Variants in RPS20 observed in about 807,000 individuals in gnomAD.
RPS20 encodes ribosomal protein S20, also known as small ribosomal subunit protein uS10.
RPS20 carries 3 observed loss-of-function variants against 15.3 expected under a neutral mutation model. That is an observed-to-expected ratio of 0.20 (90% CI 0.09 to 0.51). The LOEUF (loss-of-function observed/expected upper bound fraction) is 0.51, where lower values mean the gene tolerates loss of function less well. RPS20 is among the 20% of genes least tolerant of loss of function. The pLI is 0.96. For missense variants in RPS20, 67 were observed against 145.9 expected (o/e 0.46, Z 2.79); for synonymous variants, 62 against 47.8 (o/e 1.30, Z -1.23).
In RPS20 at chr8:56,073,273, CTG is replaced by C. The variant is rs1809818064; in HGVS notation, c.178-3_178-2del. 1 of 1,594,216 alleles carries C rather than the reference CTG, an allele frequency of 6.3e-7. No homozygotes were observed. The highest frequency in any genetic ancestry group is 8.6e-7 in the Non-Finnish European group (1 of 1,165,406). On this transcript the variant is annotated splice_acceptor_variant and splice_polypyrimidine_tract_variant and intron_variant, in intron 3 of 3. Transcript: ENST00000009589. LOFTEE classifies it high-confidence loss of function. ...TTTTTCTTGTAGTGATTCTCAAAGT[CTG>C]TAACAAAAGACAAAGGAAACCAAGT...
At position 56,074,494 on chromosome 8, in the gene RPS20, C is replaced by T. The variant is rs770121234; in HGVS notation, c.-111G>A. On this transcript the variant is annotated 5_prime_UTR_variant, in exon 1 of 4. Coordinates refer to ENST00000009589, the MANE Select transcript of RPS20 (RefSeq NM_001023.4). ...AAATCCTCAGCCCTTACGACCGCGT[C>T]TTCCTCAAAAAGAAAGGGGTGGGAC... The T allele has an allele frequency of 2.1e-5, 26 of 1,238,972 alleles. No homozygotes were observed. Among genetic ancestry groups the T allele is most frequent in the African/African-American group, 1.5e-5 (1 of 66,064 alleles). The allele number at this position is 1,238,972 out of a possible 1,614,324, so 76.7% of individuals were successfully genotyped here. A position where few individuals can be genotyped will look rare whatever the true frequency, so the allele number is the denominator to read the frequency against.
downstream of RPS20, chr8:56,072,852 A>C (rs1585722171): frequency 2.5e-6 from 3 of 1,218,682 alleles, no homozygotes; most frequent in Non-Finnish European, 1.0e-6. Context: ...CAAAGTTATA[A>C]ACTGCCAGTG....
downstream of RPS20, among the ~76,000 whole-genome samples, chr8:56,071,330 C>G (rs1809749331): frequency 6.6e-6 from 1 of 152,154 alleles, no homozygotes; most frequent in Non-Finnish European, 1.5e-5. Flanking sequence ...ACTAAAAGTT[C>G]ATAGGTATTT....
At chr8:56,073,038 TA>T (rs1809809897), downstream of RPS20, 1 of 1,574,842 alleles carries the variant, frequency 6.3e-7, no homozygotes, top group African/African-American at 1.4e-5. Context: ...GTATTCTGAA[TA>T]AAAACCAACA....
At chr8:56,069,723 C>T (rs761085047), downstream of RPS20, 16 of 1,550,792 alleles carry the variant, frequency 1.0e-5, no homozygotes, top group South Asian at 1.1e-4. Context: ...ACTTTTTTGG[C>T]GGAGGAGAAT....
chr8:56,067,752 T>G (rs1038156409), exon 6 of RPS20: 1 of 151,258 alleles, frequency 6.6e-6, no homozygotes, highest in Non-Finnish European at 1.5e-5. Flanking sequence ...GACATTAAGC[T>G]AAATAAAATG....
Position 56,074,047 on chromosome 8 carries a change from C to G in RPS20, c.103+13G>C, listed in dbSNP as rs371370170. 14 of 1,602,456 alleles carry G rather than the reference C, an allele frequency of 8.7e-6. No homozygotes were observed. Among genetic ancestry groups the G allele is most frequent in the Middle Eastern group, 1.7e-4 (1 of 5,862 alleles). On this transcript the variant is annotated intron_variant, in intron 2 of 3. Transcript: ENST00000009589. ...CCAATTCCCCCTCCCCCCCGCATAA[C>G]GAATGCACTGACCCTTTTCCAAGGA...
At chr8:56,071,936 G>C (rs1273592958), downstream of RPS20, among the ~76,000 whole-genome samples, 1 of 152,152 alleles carries the variant, frequency 6.6e-6, no homozygotes, top group Admixed American at 6.5e-5. Context: ...ACCTGTAAGG[G>C]TATCTATCTG....
At position 56,074,455 on chromosome 8, in the gene RPS20, A is replaced by G. The variant is rs777444985; in HGVS notation, c.-72T>C. 5 of 1,519,366 alleles carry G rather than the reference A, an allele frequency of 3.3e-6. No individual in the cohort carries two copies. Among genetic ancestry groups the G allele is most frequent in the Middle Eastern group, 2.2e-4 (1 of 4,618 alleles). The allele number at this position is 1,519,366 out of a possible 1,614,324, so 94.1% of individuals were successfully genotyped here. A position where few individuals can be genotyped will look rare whatever the true frequency, so the allele number is the denominator to read the frequency against. ...CGAACAGCGGTGAGTCAGGAGCAGG[A>G]GCGTGCGGACCAAAAATCCTCAGCC... On this transcript the variant is annotated 5_prime_UTR_variant, in exon 1 of 4. Coordinates refer to ENST00000009589, the MANE Select transcript of RPS20 (RefSeq NM_001023.4).
chr8:56,068,154 TTC>T (rs1197281492), downstream of RPS20: 1 of 152,224 alleles, frequency 6.6e-6, no homozygotes, highest in Non-Finnish European at 1.5e-5. Flanking sequence ...TATTATACCA[TTC>T]TCTCTCTACT....
downstream of RPS20, among the ~76,000 whole-genome samples, chr8:56,070,821 T>C (rs1185586579): frequency 6.6e-6 from 1 of 152,120 alleles, no homozygotes; most frequent in Non-Finnish European, 1.5e-5. Flanking sequence ...CTTACATTTC[T>C]ACACCAGAAG....
downstream of RPS20, among the ~76,000 whole-genome samples, chr8:56,070,736 T>G (rs921749858): frequency 8.1e-6 from 1 of 123,476 alleles, no homozygotes; most frequent in African/African-American, 2.8e-5. Flanking sequence ...CCATTTAAAT[T>G]CAAAAAAAAA....
At position 56,074,481 on chromosome 8, in the gene RPS20, C is replaced by T. The variant is rs569842562; in HGVS notation, c.-98G>A. Reference sequence around the variant, plus strand: ...GCGTGCGGACCAAAAATCCTCAGCCCTTACGACCGCGTCTTCCTCAAAAAG... The same window carrying T: ...GCGTGCGGACCAAAAATCCTCAGCCTTTACGACCGCGTCTTCCTCAAAAAG... On this transcript the variant is annotated 5_prime_UTR_variant, in exon 1 of 4. Coordinates refer to ENST00000009589, the MANE Select transcript of RPS20 (RefSeq NM_001023.4). 159 of 1,334,996 alleles carry T rather than the reference C, an allele frequency of 1.2e-4. No homozygotes were observed. The highest frequency in any genetic ancestry group is 7.5e-4 in the South Asian group (58 of 77,606). 82.7% of individuals were successfully genotyped at this position (1,334,996 alleles called of 1,614,324 possible).
At chr8:56,072,057 A>G (rs1037987551), downstream of RPS20, among the ~76,000 whole-genome samples, 20 of 152,176 alleles carry the variant, frequency 1.3e-4, no homozygotes, top group African/African-American at 3.6e-4. Flanking sequence ...AGCCTGGGCA[A>G]CATGGCAAAA....
intron 3 of RPS20, 44 bp from the exon 4 acceptor site, chr8:56,073,316 C>T: frequency 2.4e-6 from 3 of 1,240,270 alleles, no homozygotes; most frequent in Non-Finnish European, 3.5e-6. Flanking sequence ...TCGTTTTATA[C>T]TTATCCCTAG....
rs534093742 is a variant in RPS20 at position 56,073,882 on chromosome 8, T to G, written c.104-114A>C. ...AAATTATCACCGTTACTCAACACAA[T>G]AGGTACCTCCTCATCGCCAGCTGTA... On this transcript the variant is annotated intron_variant, in intron 2 of 3. Transcript: ENST00000009589. The G allele has an allele frequency of 4.4e-6, 5 of 1,126,830 alleles. No homozygotes were observed. The African/African-American group carries it at 7.6e-5, about 17-fold the overall frequency. The allele number at this position is 1,126,830 out of a possible 1,614,324, so 69.8% of individuals were successfully genotyped here.
At chr8:56,072,635 T>TCCTAAAACCCTAAAACTTAGTTTTAGTC (rs369503580), downstream of RPS20, among the ~76,000 whole-genome samples, 2 of 151,692 alleles carry the variant, frequency 1.3e-5, no homozygotes, top group African/African-American at 2.4e-5. Flanking sequence ...AAGTTTTAGT[T>TCCTAAAACCCTAAAACTTAGTTTTAGTC]CCTAAAACCC....
rs1563348454 is a variant in RPS20 at position 56,074,175 on chromosome 8, TGAAA to T, written c.4-20_4-17del. The T allele has an allele frequency of 1.9e-6, 3 of 1,602,820 alleles. No homozygotes were observed. The highest frequency in any genetic ancestry group is 2.6e-6 in the Non-Finnish European group (3 of 1,174,630). ...CCTTAAAAGCCTATTATTAGATACA[TGAAA>T]AAGAACAATAAGCCAAAAATGGTCT... is the stretch of plus-strand genomic sequence containing the variant. On this transcript the variant is annotated splice_polypyrimidine_tract_variant and intron_variant, in intron 1 of 3. Transcript: ENST00000009589.
chr8:56,069,099 A>G (rs2129212197), downstream of RPS20, among the ~76,000 whole-genome samples: 1 of 152,144 alleles, frequency 6.6e-6, no homozygotes, highest in South Asian at 2.1e-4. Context: ...TGAGGCAAAA[A>G]TAAGTAAATA....
Sources: gnomAD v4.1 joint callset for allele counts (sites outside exome capture counted in the v4.1 genomes callset) on GRCh38, gnomAD v4.1.1 for gene constraint, MANE v1.5 for transcripts, NCBI Gene and HGNC (gene_info 2026-07-23, HGNC 2026-07-21) for gene names.